ERI3: variants seen among roughly 807,000 people sequenced by gnomAD.
The protein encoded by ERI3 is ERI1 exoribonuclease 3.
ERI3 carries 18 observed loss-of-function variants against 44.4 expected under a neutral mutation model. The observed-to-expected ratio is 0.41, with a 90% CI of 0.28 to 0.60. The LOEUF (loss-of-function observed/expected upper bound fraction) is 0.60, where lower values mean the gene tolerates loss of function less well. Ranked by LOEUF, ERI3 falls within the 20% of genes least tolerant of loss-of-function variation. The pLI, the probability that ERI3 is intolerant of heterozygous loss-of-function variation, is 0.36. For missense variants in ERI3, 294 were observed against 435.5 expected, an observed-to-expected ratio of 0.68 and a Z score of 2.89; for synonymous variants, 183 against 164.8, an observed-to-expected ratio of 1.11 and a Z score of -0.84.
chr1:44,255,342 C>A (rs915335388), intron 7 of ERI3, among the ~76,000 whole-genome samples: 1 of 152,160 alleles, frequency 6.6e-6, no homozygotes, highest in Admixed American at 6.5e-5. Flanking sequence ...TTGCAGCCTG[C>A]TCCATCTCTG....
At chr1:44,297,834 A>G (rs998681961) in intron 6 of ERI3, among the ~76,000 whole-genome samples, 4 of 152,238 alleles carry the variant, frequency 2.6e-5, no homozygotes, top group Admixed American at 1.3e-4. Context: ...CTCTCCTCTC[A>G]CAGAGGGAAT....
rs1460400186 is a variant in ERI3, at chr1:44,281,601, A to AAAAAAATAT, written c.831+3233_831+3234insATATTTTTT. Among the ~76,000 whole-genome samples, 43 of 128,026 alleles carry AAAAAAATAT rather than the reference A, an allele frequency of 3.4e-4. 1 individual carries two copies. The highest frequency in any genetic ancestry group is 1.4e-3 in the African/African-American group (43 of 30,030). 84.0% of individuals were successfully genotyped at this position (128,026 alleles called of 152,430 possible). A position where few individuals can be genotyped will look rare whatever the true frequency, so the allele number is the denominator to read the frequency against. On this transcript the variant is annotated intron_variant, in intron 7 of 8. Transcript: ENST00000372257. ...AGACCCCGTCTCGAAAAAAAAAAAA[A>AAAAAAATAT]ATATATATATATATATATAATATAT...
At chr1:44,312,378 T>A (rs1645990453) in intron 5 of ERI3, among the ~76,000 whole-genome samples, 6 of 152,010 alleles carry the variant, frequency 3.9e-5, no homozygotes, top group Admixed American at 3.9e-4. Flanking sequence ...GAGAAAGACA[T>A]GGGAGGGGGA....
intron 6 of ERI3, among the ~76,000 whole-genome samples, chr1:44,286,349 G>C (rs1645393877): frequency 6.6e-6 from 1 of 152,156 alleles, no homozygotes; most frequent in South Asian, 2.1e-4. Context: ...CTCGATGTCT[G>C]CTGAGTTTGA....
At chr1:44,323,047 A>C (rs1646236816) in intron 3 of ERI3, 3 of 842,520 alleles carry the variant, frequency 3.6e-6, no homozygotes, top group Non-Finnish European at 5.0e-6. Flanking sequence ...CAATTTCATC[A>C]TTCCCCTAGG....
rs1374063803 is a variant in ERI3 at position 44,261,432 on chromosome 1, C to T, written c.832-13394G>A. On this transcript the variant is annotated intron_variant, in intron 7 of 8. Coordinates refer to ENST00000372257, the MANE Select transcript of ERI3 (RefSeq NM_024066.3). ...TGCCTTCATTCTCCCAGATTAATAA[C>T]ATCTCTTTCAACCTTCACAGTGTGA... Among the ~76,000 whole-genome samples the T allele has an allele frequency of 7.2e-5, 11 of 152,242 alleles. No homozygotes were observed. In the South Asian group the frequency reaches 1.2e-3, roughly 17 times the overall value.
chr1:44,277,823 T>C (rs933607406), intron 7 of ERI3, among the ~76,000 whole-genome samples: 15 of 152,366 alleles, frequency 9.8e-5, no homozygotes, highest in African/African-American at 3.6e-4. Flanking sequence ...CATCGCTCCA[T>C]GCCTTGGTTT....
intron 6 of ERI3, among the ~76,000 whole-genome samples, chr1:44,306,955 C>G (rs1007536818): frequency 1.3e-5 from 2 of 152,208 alleles, no homozygotes; most frequent in African/African-American, 4.8e-5. Flanking sequence ...TTTAAGGACT[C>G]AAAGCTGCCC....
intron 7 of ERI3, among the ~76,000 whole-genome samples, chr1:44,263,701 A>T (rs991269709): frequency 6.6e-6 from 1 of 152,186 alleles, no homozygotes; most frequent in Admixed American, 6.5e-5. Context: ...TTGGGCTCTG[A>T]GAAGAGAAGT....
At position 44,246,613 on chromosome 1, in the gene ERI3, T is replaced by C. The variant is rs80038019; in HGVS notation, c.931+1326A>G. On this transcript the variant is annotated intron_variant, in intron 8 of 8. Transcript: ENST00000372257. ...ATGCCCCCATATCACTACCTCTTAG[T>C]GAGAGGTAACTGAAAAAGTAGAAGC... Among the ~76,000 whole-genome samples, 1,291 of 152,316 alleles carry C rather than the reference T, an allele frequency of 8.5e-3. 17 individuals carry two copies. The highest frequency in any genetic ancestry group is 0.029 in the African/African-American group (1,197 of 41,572).
rs1644448254 is a variant in ERI3 at position 44,241,962 on chromosome 1, T to G, written c.931+5977A>C. ...ATCTATGGTTGCTACTGAAGAACAG[T>G]CTGGTGTCTGGCAAGAACCAATTCC... On this transcript the variant is annotated intron_variant, in intron 8 of 8. Transcript: ENST00000372257. The surrounding 1 kb of genome is among the most constrained non-coding windows in gnomAD (Gnocchi z 5.6). The G allele has an allele frequency of 1.0e-6, 1 of 985,504 alleles. No homozygotes were observed. The highest frequency in any genetic ancestry group is 1.2e-6 in the Non-Finnish European group (1 of 829,980). The allele number at this position is 985,504 out of a possible 1,614,324, so 61.0% of individuals were successfully genotyped here. A position where few individuals can be genotyped will look rare whatever the true frequency, so the allele number is the denominator to read the frequency against.
intron 5 of ERI3, among the ~76,000 whole-genome samples, chr1:44,310,957 GCGCGCGCACACACACACACACA>G (rs1645950275): frequency 3.9e-5 from 3 of 76,744 alleles, no homozygotes; most frequent in African/African-American, 1.6e-4. Flanking sequence ...CACATCGCGC[GCGCGCGCACACACACACACACA>G]CACACACACA....
intron 8 of ERI3, among the ~76,000 whole-genome samples, chr1:44,224,094 C>T (rs1414155370): frequency 1.3e-5 from 2 of 152,204 alleles, no homozygotes; most frequent in Non-Finnish European, 2.9e-5. Context: ...CTCCCTCACT[C>T]TCCAAATCTA....
At chr1:44,280,422 C>T (rs1466898611) in intron 7 of ERI3, among the ~76,000 whole-genome samples, 3 of 152,336 alleles carry the variant, frequency 2.0e-5, no homozygotes, top group Non-Finnish European at 4.4e-5. Context: ...CCATCTTTCA[C>T]CTGGACCACA....
At chr1:44,282,456 T>A (rs1046299590) in intron 7 of ERI3, among the ~76,000 whole-genome samples, 2 of 152,140 alleles carry the variant, frequency 1.3e-5, no homozygotes, top group Non-Finnish European at 2.9e-5. Flanking sequence ...ATGGAGTAAG[T>A]CTTTTACATA....
chr1:44,317,170 G>A (rs1397474414), intron 4 of ERI3, among the ~76,000 whole-genome samples: 1 of 122,682 alleles, frequency 8.2e-6, no homozygotes, highest in Non-Finnish European at 1.9e-5. Flanking sequence ...ACACACACTG[G>A]GGTTAAGAAC....
At chr1:44,230,621 A>AG (rs1462577706) in intron 8 of ERI3, among the ~76,000 whole-genome samples, 1 of 152,246 alleles carries the variant, frequency 6.6e-6, no homozygotes, top group African/African-American at 2.4e-5. Context: ...GCAAAGTTCC[A>AG]GGACCTGTGA....
At chr1:44,291,266 T>C (rs1645501838) in intron 6 of ERI3, among the ~76,000 whole-genome samples, 1 of 152,176 alleles carries the variant, frequency 6.6e-6, no homozygotes, top group African/African-American at 2.4e-5. Flanking sequence ...GTATAAAAAA[T>C]TAATGCATGA....
Position 44,221,423 on chromosome 1 carries a change from G to A in ERI3, c.*135C>T, listed in dbSNP as rs1643895837. 5.5e-6 allele frequency: 4 copies of A among 730,580 alleles called. No homozygotes were observed. Among genetic ancestry groups the A allele is most frequent in the Non-Finnish European group, 9.1e-6 (4 of 440,678 alleles). 45.3% of individuals were successfully genotyped at this position (730,580 alleles called of 1,614,324 possible). A position where few individuals can be genotyped will look rare whatever the true frequency, so the allele number is the denominator to read the frequency against. ...GGGCACAAGCCCACGCCAAGGGCAT[G>A]AGCCCACAGGGCAGCTGGGGACACT... On this transcript the variant is annotated 3_prime_UTR_variant, in exon 9 of 9. Transcript: ENST00000372257. This position sits in a 1 kb window ranked among gnomAD's most constrained non-coding sequence, Gnocchi z 5.9.
Sources: gnomAD v4.1 joint callset for allele counts (sites outside exome capture counted in the v4.1 genomes callset) on GRCh38, gnomAD v4.1.1 for gene constraint, Gnocchi (gnomAD v3.1) non-coding constraint, MANE v1.5 for transcripts, NCBI Gene and HGNC (gene_info 2026-07-23, HGNC 2026-07-21) for gene names.